Variants in ACP1 observed in about 807,000 individuals in gnomAD.
ACP1 encodes the protein acid phosphatase 1.
A neutral mutation model predicts 23.4 loss-of-function variants in ACP1; 23 were observed. That is an observed-to-expected ratio of 0.98 (90% confidence interval 0.71 to 1.39). The LOEUF (loss-of-function observed/expected upper bound fraction) is 1.39, where lower values mean the gene tolerates loss of function less well. Ranked by LOEUF, ACP1 falls within the 40% of genes most tolerant of loss-of-function variation. The probability of loss-of-function intolerance (pLI) is 0.00; values close to 1 mark genes in which losing one functional copy is unlikely to be tolerated. For missense variants in ACP1, 180 were observed against 197.7 expected, an observed-to-expected ratio of 0.91 and a Z score of 0.54; for synonymous variants, 72 against 67.2, an observed-to-expected ratio of 1.07 and a Z score of -0.35.
intron 1 of ACP1, among the ~76,000 whole-genome samples, chr2:267,684 C>T (rs1669926927): frequency 1.3e-5 from 2 of 152,320 alleles, no homozygotes; most frequent in South Asian, 4.1e-4. Context: ...ATAATTTGAG[C>T]GCCTGTTTTC....
rs147428558 is a variant in ACP1 at position 265,004 on chromosome 2, C to T, written c.40C>T (p.Leu14=). The T allele has an allele frequency of 2.5e-6, 4 of 1,613,166 alleles. No individual in the cohort carries two copies. The highest frequency in any genetic ancestry group is 3.3e-5 in the Admixed American group (2 of 59,944). The change falls in exon 1 of 6, where the codon CTG becomes TTG. Residue 14 remains leucine, a synonymous_variant. Coordinates refer to ENST00000272065, the MANE Select transcript of ACP1 (RefSeq NM_004300.4). ...QATKSVLFVC[L]GNICRSPIAE... ...TACCAAGTCCGTGCTGTTTGTGTGT[C>T]TGGGTAAGAGGGCGCCGACTTACTC... is the stretch of plus-strand genomic sequence containing the variant.
At chr2:274,392 AAAT>A (rs1040394051) in intron 3 of ACP1, among the ~76,000 whole-genome samples, 3 of 152,214 alleles carry the variant, frequency 2.0e-5, no homozygotes, top group African/African-American at 4.8e-5. Context: ...GAAATTCACA[AAAT>A]AATCTTTTCA....
intron 3 of ACP1, 101 bp from the exon 4 acceptor site, chr2:275,021 TGTTTATTAGTGAGTAACA>T (rs1425995416): frequency 7.1e-6 from 3 of 420,708 alleles, no homozygotes; most frequent in African/African-American, 6.1e-5. Flanking sequence ...ATTATTTAAT[TGTTTATTAGTGAGTAACA>T]GGCTCAAATA....
chr2:271,196 C>A (rs1399883854), intron 1 of ACP1, among the ~76,000 whole-genome samples: 1 of 150,624 alleles, frequency 6.6e-6, no homozygotes, highest in Non-Finnish European at 1.5e-5. Context: ...AAACAGTAGT[C>A]ATCCTTATGT....
chr2:271,797 G>C, intron 1 of ACP1, 69 bp from the exon 2 acceptor site: 1 of 1,243,600 alleles, frequency 8.0e-7, no homozygotes, highest in Non-Finnish European at 1.2e-6. Flanking sequence ...GGTGTGTAAA[G>C]AAGGGGAGCT....
At position 273,344 on chromosome 2, in the gene ACP1, C is replaced by T. The variant is rs550201782; in HGVS notation, c.231+1194C>T. Among the ~76,000 whole-genome samples the T allele has an allele frequency of 3.9e-5, 6 of 152,324 alleles. No homozygotes were observed. In the East Asian group the frequency reaches 9.6e-4, roughly 24 times the overall value. ...AGGATTTAAATAATTTTACAGAGTT[C>T]AAGAGTTCTGCTACTGAACCGTTTG... On this transcript the variant is annotated intron_variant, in intron 3 of 5. Coordinates refer to ENST00000272065, the MANE Select transcript of ACP1 (RefSeq NM_004300.4).
intron 5 of ACP1, 29 bp downstream of exon 5, chr2:277,114 T>TATG: frequency 6.3e-7 from 1 of 1,578,420 alleles, no homozygotes; most frequent in South Asian, 1.1e-5. Flanking sequence ...TTAGGGCTAA[T>TATG]ATGAAGACCC....
chr2:274,036 G>T (rs1282862480), intron 3 of ACP1, among the ~76,000 whole-genome samples: 1 of 152,142 alleles, frequency 6.6e-6, no homozygotes, highest in Non-Finnish European at 1.5e-5. Context: ...TATGACATAT[G>T]CCTGTAGTCC....
At chr2:271,789 T>G in intron 1 of ACP1, 77 bp from the exon 2 acceptor site, 1 of 1,094,544 alleles carries the variant, frequency 9.1e-7, no homozygotes, top group Middle Eastern at 2.2e-4. Flanking sequence ...GTGTGTCAGG[T>G]GTGTAAAGAA....
At chr2:269,401 A>C (rs970263273) in intron 1 of ACP1, 3 of 462,932 alleles carry the variant, frequency 6.5e-6, no homozygotes, top group Non-Finnish European at 8.9e-6. Flanking sequence ...GTAGTAAGGC[A>C]GTGAGTTGGT....
At chr2:270,702 A>G (rs1670004861) in intron 1 of ACP1, among the ~76,000 whole-genome samples, 1 of 152,182 alleles carries the variant, frequency 6.6e-6, no homozygotes, top group Admixed American at 6.5e-5. Flanking sequence ...TCAGAGCACT[A>G]TGGCTCTGAG....
Position 272,049 on chromosome 2 carries a change from A to G in ACP1, c.130A>G (p.Ser44Gly). The change falls in exon 3 of 6, where the codon AGC (serine) becomes GGC (glycine). Residue 44 changes from serine to glycine, a missense_variant. Around this residue, in one of 3 missense-constraint regions of ACP1, gnomAD observed 132 missense variants for 124.1 expected, o/e 1.06. Transcript: ENST00000272065. ...TCTTCCCCTGCAGTGGAGGGTAGACAGCGCGGCAACTTCCGGGTATGAGAT... is the reference window on the plus strand; with the variant it reads ...TCTTCCCCTGCAGTGGAGGGTAGACGGCGCGGCAACTTCCGGGTATGAGAT... ...QNISENWRVD[S>G]AATSGYEIGN... 1.2e-6 allele frequency: 2 copies of G among 1,613,842 alleles called. No individual in the cohort carries two copies. Among genetic ancestry groups the G allele is most frequent in the South Asian group, 1.1e-5 (1 of 91,068 alleles).
In ACP1 at chr2:272,143, C is replaced by G; in HGVS notation, c.224C>G (p.Ala75Gly). 2 of 1,614,206 alleles carry G rather than the reference C, an allele frequency of 1.2e-6. No homozygotes were observed. Among genetic ancestry groups the G allele is most frequent in the Non-Finnish European group, 1.7e-6 (2 of 1,180,042 alleles). Reference protein sequence around the residue: ...KRHGIPMSHVARQITKEDFAT... With the variant: ...KRHGIPMSHVGRQITKEDFAT... ...CACGGCATTCCCATGAGCCACGTTG[C>G]CCGGCAGGTACCGTCCTTGGACTTG... The change falls in exon 3 of 6, where the codon GCC becomes GGC. Residue 75 changes from alanine to glycine, a missense_variant. By Grantham distance (60) the Ala-to-Gly change is moderately conservative (BLOSUM62 0). Around this residue, in one of 3 missense-constraint regions of ACP1, gnomAD observed 132 missense variants for 124.1 expected, o/e 1.06. Coordinates refer to ENST00000272065, the MANE Select transcript of ACP1 (RefSeq NM_004300.4).
chr2:269,680 G>T (rs975715664), intron 1 of ACP1, among the ~76,000 whole-genome samples: 2 of 152,074 alleles, frequency 1.3e-5, no homozygotes, highest in Non-Finnish European at 2.9e-5. Flanking sequence ...CTTCCCCAGC[G>T]CAGATCATAG....
chr2:276,019 G>C (rs973060202), intron 4 of ACP1, among the ~76,000 whole-genome samples: 6 of 151,674 alleles, frequency 4.0e-5, no homozygotes, highest in African/African-American at 1.5e-4. Context: ...CATTGTTTTT[G>C]CTGACACCAT....
intron 1 of ACP1, 96 bp downstream of exon 1, chr2:265,103 A>AG: frequency 3.4e-6 from 5 of 1,485,064 alleles, no homozygotes; most frequent in Non-Finnish European, 4.6e-6. Context: ...AGGAACCATG[A>AG]GGGGGAGGAG....
intron 4 of ACP1, among the ~76,000 whole-genome samples, chr2:275,865 A>G (rs1468727872): frequency 6.6e-6 from 1 of 152,248 alleles, no homozygotes; most frequent in African/African-American, 2.4e-5. Flanking sequence ...GTTTTTGATG[A>G]AGATAAACTA....
In ACP1 at chr2:271,866, G is replaced by A. The variant is rs1453596185; in HGVS notation, c.44G>A (p.Gly15Asp). ...TCCCCACCCCTCCCTTTTTTTAAAG[G>A]TAACATTTGTCGATCACCCATTGCA... ...ATKSVLFVCL[G>D]NICRSPIAEA... Residue 15 changes from glycine to aspartate, a missense_variant and splice_region_variant, in exon 2 of 6, where the codon GGT becomes GAT. Physicochemically the swap from Gly to Asp is moderately conservative, Grantham distance 94. This residue lies in a region of ACP1 where 132 missense variants were observed against 124.1 expected (regional missense o/e 1.06). Coordinates refer to ENST00000272065, the MANE Select transcript of ACP1 (RefSeq NM_004300.4). The A allele has an allele frequency of 1.2e-6, 2 of 1,612,634 alleles. No homozygotes were observed. The highest frequency in any genetic ancestry group is 3.3e-5 in the Admixed American group (2 of 59,924).
chr2:266,255 A>G (rs1199966476), intron 1 of ACP1: 1 of 152,248 alleles, frequency 6.6e-6, no homozygotes, highest in Non-Finnish European at 1.5e-5. Flanking sequence ...TAGGTTTTGT[A>G]GAAGTTAACT....
Sources: gnomAD v4.1 joint callset for allele counts (sites outside exome capture counted in the v4.1 genomes callset) on GRCh38, gnomAD v4.1.1 for gene constraint, gnomAD v4.1.1 regional missense constraint, MANE v1.5 for transcripts, NCBI Gene and HGNC (gene_info 2026-07-23, HGNC 2026-07-21) for gene names.